Variants in ELMO1 observed in about 807,000 individuals in gnomAD.
ELMO1 encodes the protein engulfment and cell motility 1.
ELMO1 carries 26 observed loss-of-function variants against 98.9 expected under a neutral mutation model. The observed-to-expected ratio is 0.26, with a 90% CI of 0.19 to 0.36. The LOEUF is 0.36. Ranked by LOEUF, ELMO1 falls within the 10% of genes least tolerant of loss-of-function variation. The pLI, the probability that ELMO1 is intolerant of heterozygous loss-of-function variation, is 1.00. For synonymous variants in ELMO1, 346 were observed against 346.0 expected (o/e 1.00, Z 0.00); for missense variants, 627 against 935.2 (o/e 0.67, Z 4.30).
intron 15 of ELMO1, among the ~76,000 whole-genome samples, chr7:37,046,000 C>A (rs1489532843): frequency 6.6e-6 from 1 of 152,204 alleles, no homozygotes; most frequent in African/African-American, 2.4e-5. Flanking sequence ...CCCAGGCTGT[C>A]TCATGGGAGG....
At position 37,133,217 on chromosome 7, in the gene ELMO1, G is replaced by C; in HGVS notation, c.1104C>G (p.Ala368=). Residue 368 remains alanine (A), a synonymous_variant, in exon 14 of 22, where the codon GCC becomes GCG. Transcript: ENST00000310758. ...KLGFINHVNP[A]MDFTQTPPGM... is the part of the protein sequence containing the mutation. ...CAGGTGGAGTCTGCGTGAAGTCCAT[G>C]GCAGGGTTGACATGATTCTGTGAGT... is the stretch of plus-strand genomic sequence containing the variant. 1 of 1,610,488 alleles carries C rather than the reference G, an allele frequency of 6.2e-7. No homozygotes were observed. Among genetic ancestry groups the C allele is most frequent in the Non-Finnish European group, 8.5e-7 (1 of 1,178,376 alleles).
intron 15 of ELMO1, among the ~76,000 whole-genome samples, chr7:37,068,482 T>C (rs1019160254): frequency 1.3e-5 from 2 of 152,174 alleles, no homozygotes; most frequent in East Asian, 3.9e-4. Context: ...TCTCTTCTTA[T>C]TGCACTTGCT....
intron 14 of ELMO1, among the ~76,000 whole-genome samples, chr7:37,124,027 C>A (rs6971052): frequency 6.6e-6 from 1 of 152,058 alleles, no homozygotes; most frequent in Non-Finnish European, 1.5e-5. Context: ...ACAGAACCAA[C>A]GACAAAAACC....
chr7:37,188,036 A>T (rs1791322214), intron 13 of ELMO1, among the ~76,000 whole-genome samples: 2 of 151,926 alleles, frequency 1.3e-5, no homozygotes, highest in South Asian at 4.2e-4. Flanking sequence ...AAAAAAAAGC[A>T]GGGGGGTGGG....
At chr7:36,949,955 T>C (rs931368151) in intron 16 of ELMO1, among the ~76,000 whole-genome samples, 1 of 152,230 alleles carries the variant, frequency 6.6e-6, no homozygotes, top group South Asian at 2.1e-4. Context: ...CTAAGCTGGT[T>C]CTGCAAAATT....
At chr7:37,067,233 G>A (rs1296952852) in intron 15 of ELMO1, among the ~76,000 whole-genome samples, 2 of 152,188 alleles carry the variant, frequency 1.3e-5, no homozygotes, top group Non-Finnish European at 2.9e-5. Context: ...ATGATGCTTT[G>A]AGAGTAAACA....
At chr7:37,026,218 A>T (rs926550491) in intron 15 of ELMO1, among the ~76,000 whole-genome samples, 4 of 152,186 alleles carry the variant, frequency 2.6e-5, no homozygotes, top group Non-Finnish European at 5.9e-5. Flanking sequence ...ATGTTGGGAT[A>T]CAGGCAGATT....
intron 14 of ELMO1, among the ~76,000 whole-genome samples, chr7:37,112,138 A>G (rs768790963): frequency 6.6e-5 from 10 of 152,206 alleles, no homozygotes; most frequent in Non-Finnish European, 1.3e-4. Context: ...AACACATCCT[A>G]TCTTTCATCA....
intron 21 of ELMO1, among the ~76,000 whole-genome samples, chr7:36,858,064 T>A (rs1040548342): frequency 1.3e-5 from 2 of 152,208 alleles, no homozygotes; most frequent in African/African-American, 4.8e-5. Context: ...GATTTCCTAC[T>A]CAACCCCTGC....
At chr7:37,336,787 A>G (rs1201799084) in intron 2 of ELMO1, among the ~76,000 whole-genome samples, 1 of 152,144 alleles carries the variant, frequency 6.6e-6, no homozygotes, top group African/African-American at 2.4e-5. Context: ...TGTTCATGCA[A>G]ATATTAAAAT....
At chr7:37,164,821 G>C (rs1217903235) in intron 13 of ELMO1, among the ~76,000 whole-genome samples, 2 of 150,308 alleles carry the variant, frequency 1.3e-5, no homozygotes, top group African/African-American at 2.4e-5. Context: ...GGCAATGCGG[G>C]CTCTTTTTTG....
At chr7:37,415,379 A>G (rs1804169286) in intron 1 of ELMO1, among the ~76,000 whole-genome samples, 1 of 152,244 alleles carries the variant, frequency 6.6e-6, no homozygotes, top group Non-Finnish European at 1.5e-5. Flanking sequence ...ATGTCCCTAC[A>G]TCTTCAACAT....
intron 1 of ELMO1, among the ~76,000 whole-genome samples, chr7:37,381,724 C>T (rs1010292174): frequency 1.3e-5 from 2 of 152,184 alleles, no homozygotes; most frequent in African/African-American, 4.8e-5. Context: ...CACCTCTTCC[C>T]AGTCCATAGG....
chr7:37,171,638 G>A (rs150665199), intron 13 of ELMO1, among the ~76,000 whole-genome samples: 6,179 of 151,624 alleles, frequency 0.041, 436 homozygotes, highest in African/African-American at 0.14. Flanking sequence ...GTCTACAGGC[G>A]CCCACCACCA....
chr7:36,861,679 T>G lies in ELMO1; in HGVS notation c.1963A>C (p.Ile655Leu), dbSNP rs1171425281. 6.2e-7 allele frequency: 1 copy of G among 1,610,758 alleles called. No individual in the cohort carries two copies. Among genetic ancestry groups the G allele is most frequent in the Admixed American group, 1.7e-5 (1 of 59,356 alleles). The change falls in exon 21 of 22, where the codon ATC (isoleucine) becomes CTC (leucine). Residue 655 changes from isoleucine (I) to leucine (L), a missense_variant. Physicochemically the swap from Ile to Leu is conservative, Grantham distance 5 (BLOSUM62 2). Transcript: ENST00000310758. ...LYDSNCQLNF[I>L]APDKHEYCIW... ...CTTACCTCATGCTTGTCAGGAGCGA[T>G]GAAGTTCAGTTGGCAGTTTGAGTCA...
At chr7:37,090,900 G>A (rs1349706878) in intron 15 of ELMO1, among the ~76,000 whole-genome samples, 1 of 152,178 alleles carries the variant, frequency 6.6e-6, no homozygotes. Context: ...CTAAATCCAT[G>A]TCCACAGTGA....
chr7:37,191,638 G>A (rs981906519), intron 13 of ELMO1, among the ~76,000 whole-genome samples: 5 of 152,108 alleles, frequency 3.3e-5, no homozygotes, highest in Non-Finnish European at 5.9e-5. Context: ...ATCTGGCATC[G>A]GCCGGGCACG....
chr7:37,195,767 C>T (rs1791928663), intron 13 of ELMO1, among the ~76,000 whole-genome samples: 1 of 152,198 alleles, frequency 6.6e-6, no homozygotes, highest in East Asian at 1.9e-4. Flanking sequence ...GCAGAGGCCT[C>T]CCTCTTCCTG....
At chr7:36,873,463 C>A (rs1462561782) in intron 19 of ELMO1, among the ~76,000 whole-genome samples, 2 of 152,218 alleles carry the variant, frequency 1.3e-5, no homozygotes, top group Non-Finnish European at 1.5e-5. Context: ...ACATTTACCC[C>A]CTGGGGCATG....
Sources: gnomAD v4.1 joint callset for allele counts (sites outside exome capture counted in the v4.1 genomes callset) on GRCh38, gnomAD v4.1.1 for gene constraint, MANE v1.5 for transcripts, NCBI Gene and HGNC (gene_info 2026-07-23, HGNC 2026-07-21) for gene names.